The following LRRC7 variants were observed in gnomAD, a reference collection of about 807,000 sequenced individuals.
LRRC7 encodes the protein leucine rich repeat containing 7, also known as leucine-rich repeat-containing protein 7.
LRRC7 carries 23 observed loss-of-function variants against 175.7 expected under a neutral mutation model. The observed-to-expected ratio is 0.13, with a 90% CI of 0.09 to 0.19. The LOEUF (loss-of-function observed/expected upper bound fraction) is 0.19, where lower values mean the gene tolerates loss of function less well. Among genes scored for constraint, LRRC7 ranks in the 10% least tolerant of loss-of-function variants. The probability of loss-of-function intolerance (pLI) is 1.00; values close to 1 mark genes in which losing one functional copy is unlikely to be tolerated. For synonymous variants in LRRC7, 685 were observed against 680.9 expected, an observed-to-expected ratio of 1.01 and a Z score of -0.09; for missense variants, 1,354 against 1,904.7, an observed-to-expected ratio of 0.71 and a Z score of 5.38.
intron 3 of LRRC7, among the ~76,000 whole-genome samples, chr1:69,782,666 A>G (rs939800342): frequency 3.3e-5 from 5 of 152,192 alleles, no homozygotes; most frequent in African/African-American, 1.2e-4. Flanking sequence ...AAGAGCCTTG[A>G]AAGCCACATT....
chr1:69,830,865 G>C (rs1166871103), intron 5 of LRRC7, among the ~76,000 whole-genome samples: 1 of 151,712 alleles, frequency 6.6e-6, no homozygotes, highest in South Asian at 2.1e-4. Flanking sequence ...GACTTACTTT[G>C]CATGCTGGTT....
chr1:70,028,836 G>A lies in LRRC7; in HGVS notation c.1995+465G>A, dbSNP rs532033525. 3.9e-5 allele frequency among the ~76,000 whole-genome samples: 6 copies of A among 152,080 alleles called. No homozygotes were observed. The South Asian group carries it at 8.3e-4, about 21-fold the overall frequency. On this transcript the variant is annotated intron_variant, in intron 18 of 26. Coordinates refer to ENST00000651989, the MANE Select transcript of LRRC7 (RefSeq NM_001370785.2). ...AAACACCGATTAACAATAAAAAGAG[G>A]ACATAACTTTGAAATTTAGATTTAT...
chr1:69,747,918 A>G (rs1275377451), intron 2 of LRRC7, among the ~76,000 whole-genome samples: 1 of 152,156 alleles, frequency 6.6e-6, no homozygotes, highest in African/African-American at 2.4e-5. Flanking sequence ...ATGCATTCAC[A>G]CATGCCTTTA....
At chr1:69,574,713 C>T (rs910976392) in intron 1 of LRRC7, among the ~76,000 whole-genome samples, 3 of 152,144 alleles carry the variant, frequency 2.0e-5, no homozygotes, top group Admixed American at 6.6e-5. Context: ...CATTGCAGTT[C>T]TTACCACCAG....
rs1323181901 is a variant in LRRC7 at position 70,122,149 on chromosome 1, A to G, written c.*262A>G. ...TGTTTCTGTTTTTGTTTTTGTTTTT[A>G]ATCAAATAAGTTTCTTCTCAAAATG... On this transcript the variant is annotated 3_prime_UTR_variant, in exon 27 of 27. Transcript: ENST00000651989. 3.7e-6 allele frequency: 1 copy of G among 269,682 alleles called. No individual in the cohort carries two copies. Among genetic ancestry groups the G allele is most frequent in the Non-Finnish European group, 6.9e-6 (1 of 145,164 alleles). 16.7% of individuals were successfully genotyped at this position (269,682 alleles called of 1,614,324 possible).
chr1:69,681,922 CATTT>C (rs1660541969), intron 2 of LRRC7, among the ~76,000 whole-genome samples: 1 of 152,118 alleles, frequency 6.6e-6, no homozygotes, highest in East Asian at 1.9e-4. Flanking sequence ...AAACAACATT[CATTT>C]ATCATCTCAC....
At position 69,781,798 on chromosome 1, in the gene LRRC7, G is replaced by A. The variant is rs374151797; in HGVS notation, c.304-10245G>A. On this transcript the variant is annotated intron_variant, in intron 3 of 26. Transcript: ENST00000651989. The stretch of plus-strand genomic sequence containing the variant: ...GAAAGAAAGAAAGAAAGGAAGGAAG[G>A]AAGGAAGGAAGGAAGGAAGGAAGGA... 7.7e-3 allele frequency among the ~76,000 whole-genome samples: 359 copies of A among 46,574 alleles called. 4 individuals are homozygous for A. Among genetic ancestry groups the A allele is most frequent in the East Asian group, 0.026 (42 of 1,630 alleles). 30.6% of individuals were successfully genotyped at this position (46,574 alleles called of 152,430 possible).
At chr1:69,809,527 TAAA>T (rs1472848787) in intron 4 of LRRC7, among the ~76,000 whole-genome samples, 2 of 152,016 alleles carry the variant, frequency 1.3e-5, no homozygotes, top group African/African-American at 4.8e-5. Flanking sequence ...AAATCCTCAA[TAAA>T]ATACTGGCAA....
At chr1:70,001,268 T>C (rs989547717) in intron 11 of LRRC7, among the ~76,000 whole-genome samples, 7 of 152,204 alleles carry the variant, frequency 4.6e-5, no homozygotes, top group Admixed American at 1.3e-4. Flanking sequence ...ATTAATGATG[T>C]TTGTAATGAG....
Position 70,136,585 on chromosome 1 carries a change from G to A in LRRC7, c.*14698G>A, listed in dbSNP as rs1040061403. Among the ~76,000 whole-genome samples the A allele has an allele frequency of 5.9e-5, 9 of 152,104 alleles. No homozygotes were observed. In the South Asian group the frequency reaches 1.9e-3, roughly 32 times the overall value. ...ACCCCTCAAGAAACACAGTCTAGTG[G>A]GGAGACACACAAAAAGTCTAATAAA... is the stretch of plus-strand genomic sequence containing the variant. On this transcript the variant is annotated 3_prime_UTR_variant, in exon 27 of 27. Coordinates refer to ENST00000651989, the MANE Select transcript of LRRC7 (RefSeq NM_001370785.2).
In LRRC7 at chr1:70,101,400, G is replaced by A. The variant is rs76631796; in HGVS notation, c.4546-6352G>A. ...TTTTAAGGAAAAGCATATTTCATAC[G>A]TTGAAGTCATAGGTCCCTTAAGACA... On this transcript the variant is annotated intron_variant, in intron 25 of 26. Transcript: ENST00000651989. 8.3e-3 allele frequency among the ~76,000 whole-genome samples: 1,256 copies of A among 152,240 alleles called. 23 individuals are homozygous for A. Among genetic ancestry groups the A allele is most frequent in the African/African-American group, 0.029 (1,208 of 41,538 alleles).
rs1666392099 is a variant in LRRC7, at chr1:70,125,219, G to GT, written c.*3333dup. Among the ~76,000 whole-genome samples the GT allele has an allele frequency of 6.6e-6, 1 of 152,160 alleles. No homozygotes were observed. The highest frequency in any genetic ancestry group is 2.1e-4 in the South Asian group (1 of 4,828). ...ATATGTATCTCCATTACTTAGAATT[G>GT]TAATTATTAGGTTGCTGAAAAAGTA... On this transcript the variant is annotated 3_prime_UTR_variant, in exon 27 of 27. Transcript: ENST00000651989.
Position 69,629,425 on chromosome 1 carries a change from G to A in LRRC7, c.3-48956G>A, listed in dbSNP as rs78416916. ...ATTTAGACAGTATTTCCATCGAGGA[G>A]TATATTATGCCTGCCTTGAACCATG... On this transcript the variant is annotated intron_variant, in intron 1 of 26. Coordinates refer to ENST00000651989, the MANE Select transcript of LRRC7 (RefSeq NM_001370785.2). Among the ~76,000 whole-genome samples, 1,240 of 152,218 alleles carry A rather than the reference G, an allele frequency of 8.1e-3. 18 individuals are homozygous for A. The highest frequency in any genetic ancestry group is 0.029 in the African/African-American group (1,205 of 41,576).
At chr1:69,573,465 T>C (rs558524752) in intron 1 of LRRC7, among the ~76,000 whole-genome samples, 3 of 152,312 alleles carry the variant, frequency 2.0e-5, no homozygotes, top group Non-Finnish European at 4.4e-5. Flanking sequence ...CTGTTGCTTA[T>C]TATCTTGGAA....
In LRRC7 at chr1:70,028,227, G is replaced by A; in HGVS notation, c.1851G>A (p.Met617Ile). 6.2e-7 allele frequency: 1 copy of A among 1,613,706 alleles called. No individual in the cohort carries two copies. Among genetic ancestry groups the A allele is most frequent in the Non-Finnish European group, 8.5e-7 (1 of 1,179,728 alleles). Residue 617 changes from methionine (M) to isoleucine (I), a missense_variant, in exon 18 of 27, where the codon ATG (methionine) becomes ATA (isoleucine). By Grantham distance (10) the Met-to-Ile change is conservative. Coordinates refer to ENST00000651989, the MANE Select transcript of LRRC7 (RefSeq NM_001370785.2). ...PTPYPEDLKN[M>I]VKSVQNLVGK... Reference sequence around the variant, plus strand: ...CTTACCCAGAGGATTTAAAGAATATGGTAAAATCTGTTCAAAATTTGGTGG... The same window carrying A: ...CTTACCCAGAGGATTTAAAGAATATAGTAAAATCTGTTCAAAATTTGGTGG...
chr1:70,105,792 C>G (rs1005312224), intron 25 of LRRC7, among the ~76,000 whole-genome samples: 1 of 152,052 alleles, frequency 6.6e-6, no homozygotes, highest in African/African-American at 2.4e-5. Context: ...TCCTAGAAGT[C>G]TAATTACTTG....
At chr1:69,727,749 T>G (rs181795981) in intron 2 of LRRC7, among the ~76,000 whole-genome samples, 55 of 152,336 alleles carry the variant, frequency 3.6e-4, no homozygotes, top group Non-Finnish European at 6.0e-4. Flanking sequence ...TTTTACATAT[T>G]TTCTGTGGGA....
intron 6 of LRRC7, among the ~76,000 whole-genome samples, chr1:69,836,700 G>A (rs980955429): frequency 6.6e-6 from 1 of 151,736 alleles, no homozygotes; most frequent in African/African-American, 2.4e-5. Context: ...ACTCCTAAAA[G>A]CCAAAATCAG....
At chr1:69,640,661 G>T (rs1231343275) in intron 1 of LRRC7, among the ~76,000 whole-genome samples, 1 of 148,082 alleles carries the variant, frequency 6.8e-6, no homozygotes, top group African/African-American at 2.5e-5. Context: ...TTCTAACTTT[G>T]GTAAATAAAG....
Sources: gnomAD v4.1 joint callset for allele counts (sites outside exome capture counted in the v4.1 genomes callset) on GRCh38, gnomAD v4.1.1 for gene constraint, MANE v1.5 for transcripts, NCBI Gene and HGNC (gene_info 2026-07-23, HGNC 2026-07-21) for gene names.